Variants in SEC24A observed in about 807,000 individuals in gnomAD.
SEC24A encodes protein transport protein Sec24A.
SEC24A carries 93 observed loss-of-function variants against 129.4 expected under a neutral mutation model. That is an observed-to-expected ratio of 0.72 (90% CI 0.61 to 0.85). SEC24A has a LOEUF of 0.85. SEC24A is among the 40% of genes least tolerant of loss of function. The pLI, the probability that SEC24A is intolerant of heterozygous loss-of-function variation, is 0.00. For missense variants in SEC24A, 1,264 were observed against 1,307.4 expected, an observed-to-expected ratio of 0.97 and a Z score of 0.51; for synonymous variants, 460 against 467.3, an observed-to-expected ratio of 0.98 and a Z score of 0.20.
At position 134,679,644 on chromosome 5, in the gene SEC24A, T is replaced by G. The variant is rs750968422; in HGVS notation, c.1297T>G (p.Ser433Ala). Residue 433 changes from serine (S) to alanine (A), a missense_variant, in exon 8 of 23, where the codon TCA becomes GCA. Physicochemically the swap from Ser to Ala is moderately conservative, Grantham distance 99. Coordinates refer to ENST00000398844, the MANE Select transcript of SEC24A (RefSeq NM_021982.3). Reference protein sequence around the residue: ...VTSSTIVRCRSCRTYINPFVS... With the variant: ...VTSSTIVRCRACRTYINPFVS... Reference sequence around the variant, plus strand: ...CTCCAGTACAATTGTGAGATGCCGTTCATGCAGGACGTACATCAATCCTTT... The same window carrying G: ...CTCCAGTACAATTGTGAGATGCCGTGCATGCAGGACGTACATCAATCCTTT... 6.3e-7 allele frequency: 1 copy of G among 1,599,402 alleles called. No homozygotes were observed. Among genetic ancestry groups the G allele is most frequent in the Non-Finnish European group, 8.6e-7 (1 of 1,169,502 alleles).
rs781777249 is a variant in SEC24A at position 134,715,102 on chromosome 5, G to T, written c.2806G>T (p.Val936Phe). 7 of 1,612,116 alleles carry T rather than the reference G, an allele frequency of 4.3e-6. No homozygotes were observed. The East Asian group carries it at 1.6e-4, about 36-fold the overall frequency. Residue 936 changes from valine to phenylalanine, a missense_variant, in exon 19 of 23, where the codon GTT becomes TTT. By Grantham distance (50) the Val-to-Phe change is conservative. Transcript: ENST00000398844. ...GTGTCAAGTGAAAAACCAGCCCTTG[G>T]TTTACCTTATGCTCACAACTCATCC... Reference protein sequence around the residue: ...AMCQVKNQPLVYLMLTTHPSL... With the variant: ...AMCQVKNQPLFYLMLTTHPSL...
intron 15 of SEC24A, among the ~76,000 whole-genome samples, chr5:134,699,850 G>C (rs2150102216): frequency 6.6e-6 from 1 of 151,816 alleles, no homozygotes; most frequent in South Asian, 2.1e-4. Flanking sequence ...ACAGGTGCCT[G>C]ACACTACGCC....
intron 21 of SEC24A, among the ~76,000 whole-genome samples, chr5:134,723,112 C>T (rs1347848679): frequency 6.6e-6 from 1 of 152,054 alleles, no homozygotes; most frequent in African/African-American, 2.4e-5. Context: ...GAGCCATGAT[C>T]ACACCAGTGC....
chr5:134,655,329 T>A (rs1750203124), intron 1 of SEC24A, among the ~76,000 whole-genome samples: 1 of 152,112 alleles, frequency 6.6e-6, no homozygotes, highest in Non-Finnish European at 1.5e-5. Context: ...TTTAGCTTCT[T>A]TACCCACACA....
At chr5:134,706,826 G>A (rs1752172719) in intron 17 of SEC24A, among the ~76,000 whole-genome samples, 2 of 152,152 alleles carry the variant, frequency 1.3e-5, no homozygotes, top group African/African-American at 4.8e-5. Flanking sequence ...AAGTAGCTGG[G>A]ACTACAGGCG....
intron 19 of SEC24A, among the ~76,000 whole-genome samples, chr5:134,716,467 T>TAAA (rs370950499): frequency 3.8e-5 from 3 of 78,908 alleles, no homozygotes; most frequent in Admixed American, 1.4e-4. Context: ...AGACTTTGTC[T>TAAA]AAAAAAAAAA....
rs771626450 is a variant in SEC24A, at chr5:134,715,010, G to T, written c.2728-14G>T. The T allele has an allele frequency of 3.1e-6, 5 of 1,608,416 alleles. No homozygotes were observed. The Admixed American group carries it at 8.5e-5, about 27-fold the overall frequency. The stretch of plus-strand genomic sequence containing the variant: ...ATATATTCTTTTGTGGGGAATGGGG[G>T]TTTTCTGTTACAGAAATCATTCCAG... On this transcript the variant is annotated splice_polypyrimidine_tract_variant and intron_variant, in intron 18 of 22. Coordinates refer to ENST00000398844, the MANE Select transcript of SEC24A (RefSeq NM_021982.3).
intron 20 of SEC24A, 78 bp downstream of exon 20, chr5:134,718,251 T>A: frequency 2.0e-6 from 2 of 984,670 alleles, no homozygotes; most frequent in Non-Finnish European, 3.3e-6. Flanking sequence ...TCATTCCCTT[T>A]AATATCTCTC....
intron 18 of SEC24A, among the ~76,000 whole-genome samples, chr5:134,712,411 C>T (rs1752354610): frequency 6.7e-6 from 1 of 150,240 alleles, no homozygotes. Context: ...CCACCATGCC[C>T]AGCTAATTTT....
At chr5:134,715,196 A>C (rs570227126) in intron 19 of SEC24A, 35 bp downstream of exon 19, 2 of 1,567,774 alleles carry the variant, frequency 1.3e-6, no homozygotes. Context: ...TTTTACTTGA[A>C]GATTAGTAAG....
At chr5:134,672,784 C>G (rs917998034) in intron 4 of SEC24A, among the ~76,000 whole-genome samples, 5 of 151,610 alleles carry the variant, frequency 3.3e-5, no homozygotes, top group Non-Finnish European at 7.4e-5. Context: ...CACCCAGGCT[C>G]AAGTGCAGTA....
At chr5:134,658,432 G>A (rs749993623) in intron 1 of SEC24A, among the ~76,000 whole-genome samples, 15 of 152,080 alleles carry the variant, frequency 9.9e-5, no homozygotes, top group Non-Finnish European at 1.8e-4. Context: ...TTTGAGACAC[G>A]TTCTCACTCT....
At chr5:134,695,473 G>A (rs574453047) in intron 13 of SEC24A, among the ~76,000 whole-genome samples, 2 of 151,886 alleles carry the variant, frequency 1.3e-5, no homozygotes, top group South Asian at 4.2e-4. Flanking sequence ...CCAACACGAC[G>A]AAACCCCATC....
chr5:134,688,090 T>C, intron 10 of SEC24A, 91 bp from the exon 11 acceptor site: 1 of 791,490 alleles, frequency 1.3e-6, no homozygotes, highest in Non-Finnish European at 2.2e-6. Context: ...AATATTGAAT[T>C]AGATATTTTC....
chr5:134,688,350 C>A, intron 11 of SEC24A, 51 bp downstream of exon 11: 1 of 1,062,260 alleles, frequency 9.4e-7, no homozygotes, highest in South Asian at 1.3e-5. Flanking sequence ...AGAAATATTT[C>A]TTGATTACTT....
At chr5:134,679,365 T>A (rs1751181721) in intron 7 of SEC24A, among the ~76,000 whole-genome samples, 1 of 152,142 alleles carries the variant, frequency 6.6e-6, no homozygotes, top group Admixed American at 6.6e-5. Context: ...GCCAATAATT[T>A]TTTTTTTTAA....
At chr5:134,695,641 C>T (rs536756284) in intron 13 of SEC24A, among the ~76,000 whole-genome samples, 29 of 151,856 alleles carry the variant, frequency 1.9e-4, no homozygotes, top group East Asian at 3.9e-4. Context: ...AAAAATTAAC[C>T]GGGCGTGGTG....
intron 13 of SEC24A, among the ~76,000 whole-genome samples, chr5:134,694,490 A>G (rs1384506368): frequency 6.6e-6 from 1 of 152,040 alleles, no homozygotes; most frequent in African/African-American, 2.4e-5. Flanking sequence ...TACTAAAAAT[A>G]TAAAAAATTA....
chr5:134,675,130 A>C lies in SEC24A; in HGVS notation c.1064A>C (p.Gln355Pro). The C allele has an allele frequency of 6.2e-7, 1 of 1,613,752 alleles. No individual in the cohort carries two copies. ...GGTCTAAGAGTTGTCAATCTTCTTCAAGAAAGAAACATGCTTCCGTCAACA... is the reference window on the plus strand; with the variant it reads ...GGTCTAAGAGTTGTCAATCTTCTTCCAGAAAGAAACATGCTTCCGTCAACA... ...PEGLRVVNLLQERNMLPSTPL... is the reference protein window; with the variant it reads ...PEGLRVVNLLPERNMLPSTPL... The change falls in exon 6 of 23, where the codon CAA becomes CCA. Residue 355 changes from glutamine to proline, a missense_variant. Gln to Pro is a moderately conservative substitution (Grantham distance 76). Coordinates refer to ENST00000398844, the MANE Select transcript of SEC24A (RefSeq NM_021982.3).
Sources: allele counts gnomAD v4.1 joint callset (sites outside exome capture counted in the v4.1 genomes callset), GRCh38; gene constraint gnomAD v4.1.1; transcripts MANE v1.5; gene names NCBI Gene and HGNC (gene_info 2026-07-23, HGNC 2026-07-21).